Variants in CPNE5 observed in about 807,000 individuals in gnomAD.
CPNE5 encodes the protein copine 5.
CPNE5 carries 42 observed loss-of-function variants against 81.1 expected under a neutral mutation model. The observed-to-expected ratio is 0.52, with a 90% CI of 0.40 to 0.67. CPNE5 has a LOEUF of 0.67. Among genes scored for constraint, CPNE5 ranks in the 30% least tolerant of loss-of-function variants. The pLI is 0.00. For missense variants in CPNE5, 612 were observed against 815.5 expected, an observed-to-expected ratio of 0.75 and a Z score of 3.04; for synonymous variants, 313 against 321.5, an observed-to-expected ratio of 0.97 and a Z score of 0.28.
chr6:36,808,347 G>A (rs552012092), intron 3 of CPNE5, among the ~76,000 whole-genome samples: 2 of 152,042 alleles, frequency 1.3e-5, no homozygotes, highest in Admixed American at 6.5e-5. Flanking sequence ...CCCAACCGTC[G>A]GCCTCACAAA....
chr6:36,827,397 C>G, intron 1 of CPNE5: 4 of 985,384 alleles, frequency 4.1e-6, no homozygotes, highest in Non-Finnish European at 4.8e-6. Flanking sequence ...ACCCCTGCCC[C>G]GGGGTATAAA....
At chr6:36,758,479 G>A (rs1258958865) in intron 12 of CPNE5, among the ~76,000 whole-genome samples, 1 of 151,228 alleles carries the variant, frequency 6.6e-6, no homozygotes, top group Admixed American at 6.6e-5. Context: ...AAACTCTTGG[G>A]CTCAAGCAAT....
chr6:36,788,673 A>T (rs1167119931), intron 8 of CPNE5, among the ~76,000 whole-genome samples: 1 of 150,398 alleles, frequency 6.6e-6, no homozygotes, highest in East Asian at 1.9e-4. Flanking sequence ...AGGCAGTAAC[A>T]ATCGTTTTAC....
In CPNE5 at chr6:36,745,397, T is replaced by C. The variant is rs756462231; in HGVS notation, c.1319A>G (p.His440Arg). Reference sequence around the variant, plus strand: ...TGGCAGCGGCACTCACCTGGCCACGTGGGTGACCACGGGGGCAAAGTTGGT... The same window carrying C: ...TGGCAGCGGCACTCACCTGGCCACGCGGGTGACCACGGGGGCAAAGTTGGT... ...GPTNFAPVVT[H>R]VARNAAAVQD... Residue 440 changes from histidine (H) to arginine (R), a missense_variant, in exon 17 of 21, where the codon CAC (histidine) becomes CGC (arginine). By Grantham distance (29) the His-to-Arg change is conservative. Transcript: ENST00000244751. 1.2e-6 allele frequency: 2 copies of C among 1,606,908 alleles called. No individual in the cohort carries two copies. The highest frequency in any genetic ancestry group is 2.2e-5 in the South Asian group (2 of 89,412).
At chr6:36,829,453 C>T (rs1416612796) in intron 1 of CPNE5, among the ~76,000 whole-genome samples, 1 of 152,030 alleles carries the variant, frequency 6.6e-6, no homozygotes, top group Non-Finnish European at 1.5e-5. Context: ...GCCGTGATCA[C>T]ACCACTGCAC....
At chr6:36,777,753 A>C (rs1430098710) in intron 9 of CPNE5, among the ~76,000 whole-genome samples, 156 of 113,674 alleles carry the variant, frequency 1.4e-3, no homozygotes, top group Middle Eastern at 4.4e-3. Flanking sequence ...TCCCCTGCCT[A>C]CCCCCCCCCC....
intron 13 of CPNE5, among the ~76,000 whole-genome samples, chr6:36,753,785 C>A (rs190434549): frequency 2.0e-5 from 3 of 152,352 alleles, no homozygotes; most frequent in African/African-American, 7.2e-5. Context: ...AGCTACCTGG[C>A]AGCTCATTAT....
chr6:36,793,696 C>T (rs1423269085), intron 7 of CPNE5, among the ~76,000 whole-genome samples: 1 of 152,160 alleles, frequency 6.6e-6, no homozygotes, highest in Non-Finnish European at 1.5e-5. Context: ...GGTGAATTAG[C>T]ATCCATGCTC....
intron 1 of CPNE5, among the ~76,000 whole-genome samples, chr6:36,826,299 C>T (rs1265093350): frequency 6.6e-6 from 1 of 152,164 alleles, no homozygotes; most frequent in African/African-American, 2.4e-5. Flanking sequence ...CCACCTGGCT[C>T]CTTGCCTGGT....
chr6:36,810,415 C>T (rs923851662), intron 3 of CPNE5, among the ~76,000 whole-genome samples: 2 of 152,240 alleles, frequency 1.3e-5, no homozygotes, highest in Non-Finnish European at 2.9e-5. Context: ...CAGAGCCCAG[C>T]CCTGGCCCCT....
intron 1 of CPNE5, among the ~76,000 whole-genome samples, chr6:36,824,957 AAAAC>A (rs1772375208): frequency 6.6e-6 from 1 of 152,160 alleles, no homozygotes; most frequent in South Asian, 2.1e-4. Flanking sequence ...ACAACAAAAC[AAAAC>A]AAACAAATGT....
intron 16 of CPNE5, among the ~76,000 whole-genome samples, chr6:36,745,983 A>G (rs1007571087): frequency 6.6e-6 from 1 of 152,062 alleles, no homozygotes; most frequent in Non-Finnish European, 1.5e-5. Flanking sequence ...AATCATCTCC[A>G]CAGGGCCCGG....
At chr6:36,794,503 A>G (rs986755598) in intron 7 of CPNE5, 87 bp downstream of exon 7, 359 of 1,258,090 alleles carry the variant, frequency 2.9e-4, no homozygotes, top group Non-Finnish European at 2.5e-4. Context: ...TGATGGGAGC[A>G]GGGACGAGGC....
intron 1 of CPNE5, among the ~76,000 whole-genome samples, chr6:36,837,110 C>T (rs374397358): frequency 3.9e-5 from 6 of 152,350 alleles, no homozygotes; most frequent in South Asian, 4.1e-4. Context: ...CAGGTGCTAC[C>T]GCCTTCCGGT....
At chr6:36,796,676 G>T (rs1487586935) in intron 6 of CPNE5, among the ~76,000 whole-genome samples, 2 of 152,208 alleles carry the variant, frequency 1.3e-5, no homozygotes, top group African/African-American at 4.8e-5. Flanking sequence ...TGTGAATTTT[G>T]TATGCTTTTT....
chr6:36,826,784 C>T (rs1238527863), intron 1 of CPNE5, among the ~76,000 whole-genome samples: 1 of 152,268 alleles, frequency 6.6e-6, no homozygotes. Context: ...GGGACGGCCC[C>T]TTGCACTTCC....
At chr6:36,810,346 T>G (rs192950791) in intron 3 of CPNE5, among the ~76,000 whole-genome samples, 1 of 152,348 alleles carries the variant, frequency 6.6e-6, no homozygotes, top group Admixed American at 6.5e-5. Flanking sequence ...CGTAGATCCC[T>G]CAATACTTTT....
At chr6:36,761,903 T>A (rs1367992205) in intron 12 of CPNE5, among the ~76,000 whole-genome samples, 2 of 151,948 alleles carry the variant, frequency 1.3e-5, no homozygotes, top group African/African-American at 4.8e-5. Flanking sequence ...TGGGAAGACC[T>A]CACAGAGGAG....
At chr6:36,754,951 C>T (rs1765262577) in intron 13 of CPNE5, 1 of 152,216 alleles carries the variant, frequency 6.6e-6, no homozygotes, top group Non-Finnish European at 1.5e-5. Flanking sequence ...ACAGCCTCTC[C>T]ACTAAGAAAC....
Sources: allele counts gnomAD v4.1 joint callset (sites outside exome capture counted in the v4.1 genomes callset), GRCh38; gene constraint gnomAD v4.1.1; transcripts MANE v1.5; gene names NCBI Gene and HGNC (gene_info 2026-07-23, HGNC 2026-07-21).